Variants in SKAP2 observed in about 807,000 individuals in gnomAD.
The protein encoded by SKAP2 is src kinase associated phosphoprotein 2.
Under a neutral mutation model 54.9 loss-of-function variants are expected in SKAP2, and 28 were observed. The ratio of observed to expected loss-of-function variants is 0.51; its 90% confidence interval spans 0.38 to 0.70. The LOEUF (loss-of-function observed/expected upper bound fraction) is 0.70. Among genes scored for constraint, SKAP2 ranks in the 30% least tolerant of loss-of-function variants. SKAP2 has a pLI of 0.00. For missense variants in SKAP2, 356 were observed against 424.1 expected (o/e 0.84, Z 1.41); for synonymous variants, 137 against 134.3 (o/e 1.02, Z -0.14).
In SKAP2 at chr7:26,794,678, A is replaced by G. The variant is rs575386856; in HGVS notation, c.307+49352T>C. ...TGGATATCTTGTCTAGCCCACCACCATTAGATTGTAAAAAGGTGGATATCT... is the reference window on the plus strand; with the variant it reads ...TGGATATCTTGTCTAGCCCACCACCGTTAGATTGTAAAAAGGTGGATATCT... On this transcript the variant is annotated intron_variant, in intron 4 of 12. Transcript: ENST00000345317. 1.5e-4 allele frequency among the ~76,000 whole-genome samples: 23 copies of G among 152,276 alleles called. No homozygotes were observed. In the South Asian group the frequency reaches 3.5e-3, roughly 23 times the overall value.
At chr7:26,675,385 G>A (rs1385873357) in intron 11 of SKAP2, among the ~76,000 whole-genome samples, 2 of 152,120 alleles carry the variant, frequency 1.3e-5, no homozygotes, top group Non-Finnish European at 2.9e-5. Context: ...CAGCTGTCAT[G>A]ATTTTTTCTC....
At chr7:26,750,196 G>A (rs1782651800) in intron 4 of SKAP2, among the ~76,000 whole-genome samples, 1 of 151,822 alleles carries the variant, frequency 6.6e-6, no homozygotes, top group African/African-American at 2.4e-5. Flanking sequence ...CTTTTCTATG[G>A]CATTAAAGCA....
intron 4 of SKAP2, among the ~76,000 whole-genome samples, chr7:26,756,184 A>T (rs1302469880): frequency 6.6e-6 from 1 of 152,008 alleles, no homozygotes; most frequent in Admixed American, 6.6e-5. Flanking sequence ...CTTTTTGTTA[A>T]TTTTTTTTAT....
chr7:26,717,194 C>A (rs560584820), intron 9 of SKAP2, among the ~76,000 whole-genome samples: 1 of 152,108 alleles, frequency 6.6e-6, no homozygotes, highest in South Asian at 2.1e-4. Context: ...TGGAGAGAAA[C>A]AGGGGAAGTG....
chr7:26,754,774 T>C (rs540385025), intron 4 of SKAP2, among the ~76,000 whole-genome samples: 10 of 152,192 alleles, frequency 6.6e-5, no homozygotes, highest in Non-Finnish European at 1.3e-4. Context: ...AGCAGTTCAG[T>C]GCTCCCTCAT....
chr7:26,726,525 A>G (rs1439889058), intron 7 of SKAP2, among the ~76,000 whole-genome samples: 1 of 151,874 alleles, frequency 6.6e-6, no homozygotes, highest in African/African-American at 2.4e-5. Context: ...ATGTATTATC[A>G]CTCTGATATT....
At chr7:26,718,622 C>T (rs1787512271) in intron 9 of SKAP2, among the ~76,000 whole-genome samples, 1 of 152,052 alleles carries the variant, frequency 6.6e-6, no homozygotes, top group South Asian at 2.1e-4. Context: ...TCTCCTGCCT[C>T]AGCACCCCGA....
intron 5 of SKAP2, 129 bp from the exon 6 acceptor site, chr7:26,739,007 C>A (rs931765179): frequency 4.6e-6 from 3 of 650,494 alleles, no homozygotes; most frequent in Non-Finnish European, 5.4e-6. Flanking sequence ...TTCCAAGAGA[C>A]AAAAAACCAA....
At position 26,776,393 on chromosome 7, in the gene SKAP2, T is replaced by C. The variant is rs183275535; in HGVS notation, c.308-36429A>G. ...GATATTTTCAAATGCCTAAATGTTTTATCTTCTAAATTTAATGTCTAAGAC... is the reference window on the plus strand; with the variant it reads ...GATATTTTCAAATGCCTAAATGTTTCATCTTCTAAATTTAATGTCTAAGAC... On this transcript the variant is annotated intron_variant, in intron 4 of 12. Coordinates refer to ENST00000345317, the MANE Select transcript of SKAP2 (RefSeq NM_003930.5). Among the ~76,000 whole-genome samples the C allele has an allele frequency of 1.3e-3, 192 of 152,282 alleles. 2 individuals carry two copies. The highest frequency in any genetic ancestry group is 0.012 in the Admixed American group (186 of 15,278).
At chr7:26,791,049 T>TAA (rs141552689) in intron 4 of SKAP2, among the ~76,000 whole-genome samples, 32,430 of 151,724 alleles carry the variant, frequency 0.21, 3,536 homozygotes, top group Non-Finnish European at 0.24. Context: ...TGTTTTAATT[T>TAA]AAAAAAAATC....
At chr7:26,759,557 G>A (rs1377051385) in intron 4 of SKAP2, among the ~76,000 whole-genome samples, 1 of 152,038 alleles carries the variant, frequency 6.6e-6, no homozygotes, top group Non-Finnish European at 1.5e-5. Flanking sequence ...ATTGACACAG[G>A]ATATTGCTGA....
intron 11 of SKAP2, among the ~76,000 whole-genome samples, chr7:26,682,110 T>C (rs545074234): frequency 6.6e-6 from 1 of 152,198 alleles, no homozygotes; most frequent in Non-Finnish European, 1.5e-5. Flanking sequence ...AAAATGCTAG[T>C]GGTTTCTATA....
chr7:26,824,100 A>ATCAATCAATGAT (rs1784440999), intron 4 of SKAP2, among the ~76,000 whole-genome samples: 1 of 152,136 alleles, frequency 6.6e-6, no homozygotes, highest in Non-Finnish European at 1.5e-5. Flanking sequence ...GGAAAGAAGA[A>ATCAATCAATGAT]TCAATCAATG....
At chr7:26,658,075 C>T in the SKAP2 span, among the ~76,000 whole-genome samples, 1 of 152,110 alleles carries the variant, frequency 6.6e-6, no homozygotes, top group Admixed American at 6.6e-5. Context: ...GTACTGCAGT[C>T]GACTTCAACA....
intron 4 of SKAP2, among the ~76,000 whole-genome samples, chr7:26,833,444 A>T (rs1784639823): frequency 6.6e-6 from 1 of 152,004 alleles, no homozygotes; most frequent in Non-Finnish European, 1.5e-5. Context: ...ATAAAGAGTC[A>T]ACACCCATAG....
At chr7:26,780,346 A>G (rs904037472) in intron 4 of SKAP2, among the ~76,000 whole-genome samples, 6 of 152,142 alleles carry the variant, frequency 3.9e-5, no homozygotes, top group Non-Finnish European at 7.4e-5. Flanking sequence ...TCTGTCTCTC[A>G]GAAGCATTCA....
intron 1 of SKAP2, 38 bp from the exon 2 acceptor site, chr7:26,854,928 A>T: frequency 7.1e-7 from 1 of 1,411,006 alleles, no homozygotes. Flanking sequence ...TACAAATTAT[A>T]AGAAATAAAG....
intron 9 of SKAP2, among the ~76,000 whole-genome samples, chr7:26,701,782 C>A (rs923157574): frequency 6.6e-6 from 1 of 151,902 alleles, no homozygotes; most frequent in African/African-American, 2.4e-5. Context: ...AAACTTGCAT[C>A]ATTGAATAGA....
intron 4 of SKAP2, among the ~76,000 whole-genome samples, chr7:26,794,395 T>C (rs1562612864): frequency 2.6e-5 from 4 of 152,052 alleles, no homozygotes; most frequent in African/African-American, 9.7e-5. Context: ...AATCTGGGAG[T>C]GACCAATCCA....
Sources: gnomAD v4.1 joint callset for allele counts (sites outside exome capture counted in the v4.1 genomes callset) on GRCh38, gnomAD v4.1.1 for gene constraint, MANE v1.5 for transcripts, NCBI Gene and HGNC (gene_info 2026-07-23, HGNC 2026-07-21) for gene names.